CEP97: variants seen among roughly 807,000 people sequenced by gnomAD.
CEP97 encodes the protein centrosomal protein 97, also known as centrosomal protein of 97 kDa.
CEP97 carries 43 observed loss-of-function variants against 73.1 expected under a neutral mutation model. The ratio of observed to expected loss-of-function variants is 0.59; its 90% CI spans 0.46 to 0.76. The LOEUF (loss-of-function observed/expected upper bound fraction) is 0.76, where lower values mean the gene tolerates loss of function less well. CEP97 is among the 30% of genes least tolerant of loss of function. The pLI is 0.00. For missense variants in CEP97, 939 were observed against 1,014.0 expected (o/e 0.93, Z 1.00); for synonymous variants, 337 against 370.0 (o/e 0.91, Z 1.02).
chr3:101,751,716 C>T lies in CEP97; in HGVS notation c.729-3714C>T, dbSNP rs185111090. Among the ~76,000 whole-genome samples, 376 of 152,202 alleles carry T rather than the reference C, an allele frequency of 2.5e-3. 2 individuals are homozygous for T. Among genetic ancestry groups the T allele is most frequent in the African/African-American group, 8.8e-3 (364 of 41,524 alleles). ...CTTTGTTGGTTAAAGTCTGTTTTAT[C>T]GGAGACTAGGATTGCAACCCCTGCC... is the stretch of plus-strand genomic sequence containing the variant. On this transcript the variant is annotated intron_variant, in intron 6 of 10. Transcript: ENST00000341893.
intron 6 of CEP97, among the ~76,000 whole-genome samples, chr3:101,738,689 G>T (rs1560011517): frequency 6.6e-6 from 1 of 152,190 alleles, no homozygotes; most frequent in Non-Finnish European, 1.5e-5. Context: ...AAAGCAGTGT[G>T]TAGAGGGAAA....
At chr3:101,741,372 C>A (rs897226544) in intron 6 of CEP97, among the ~76,000 whole-genome samples, 3 of 152,190 alleles carry the variant, frequency 2.0e-5, no homozygotes, top group Admixed American at 6.5e-5. Context: ...GACTTCATGA[C>A]TAAAACATCA....
intron 6 of CEP97, among the ~76,000 whole-genome samples, chr3:101,750,562 A>C (rs958444836): frequency 5.9e-5 from 9 of 152,122 alleles, no homozygotes; most frequent in African/African-American, 1.9e-4. Flanking sequence ...TTGGTTGGTA[A>C]GGTATTGATT....
At chr3:101,726,428 C>T (rs915433825) in intron 1 of CEP97, among the ~76,000 whole-genome samples, 166 bp from the exon 2 acceptor site, 3 of 152,138 alleles carry the variant, frequency 2.0e-5, no homozygotes, top group African/African-American at 7.2e-5. Context: ...TCAATCTGGT[C>T]ATTTAGAACT....
At position 101,767,488 on chromosome 3, in the gene CEP97, CTTTATACA is replaced by C. The variant is rs1377304653; in HGVS notation, c.*1940_*1947del. ...CCACTGCACTAGTACCAAAATACTA[CTTTATACA>C]TTAGTTTTTCATAAAAGCTGCTGGA... On this transcript the variant is annotated 3_prime_UTR_variant, in exon 11 of 11. Coordinates refer to ENST00000341893, the MANE Select transcript of CEP97 (RefSeq NM_024548.4). 2 of 152,168 alleles carry C rather than the reference CTTTATACA, an allele frequency of 1.3e-5. No individual in the cohort carries two copies. Among genetic ancestry groups the C allele is most frequent in the Admixed American group, 6.5e-5 (1 of 15,274 alleles). The allele number at this position is 152,168 out of a possible 1,614,324, so 9.4% of individuals were successfully genotyped here. A position where few individuals can be genotyped will look rare whatever the true frequency, so the allele number is the denominator to read the frequency against.
At chr3:101,751,572 A>T (rs1938821989) in intron 6 of CEP97, among the ~76,000 whole-genome samples, 1 of 152,156 alleles carries the variant, frequency 6.6e-6, no homozygotes, top group African/African-American at 2.4e-5. Context: ...GTCACTAAAG[A>T]CTTGCTTTAT....
rs1939354911 is a variant in CEP97 at position 101,767,786 on chromosome 3, A to C, written c.*2235A>C. ...ACTTTTACTAGTGTTTAGAAGTGCA[A>C]GAATATTAAATAGCCCCTTCCTTAA... On this transcript the variant is annotated 3_prime_UTR_variant, in exon 11 of 11. Coordinates refer to ENST00000341893, the MANE Select transcript of CEP97 (RefSeq NM_024548.4). The C allele has an allele frequency of 6.6e-6, 1 of 152,202 alleles. No homozygotes were observed. The highest frequency in any genetic ancestry group is 1.5e-5 in the Non-Finnish European group (1 of 68,034). 9.4% of individuals were successfully genotyped at this position (152,202 alleles called of 1,614,324 possible).
In CEP97 at chr3:101,755,524, C is replaced by A; in HGVS notation, c.823C>A (p.Pro275Thr). ...QLVQYLATVC[P>T]LTSTLGLQTA... ...TGTCCAATATCTGGCTACAGTCTGC[C>A]CCCTCACTTCTACACTAGGTCTTCA... The change falls in exon 7 of 11, where the codon CCC becomes ACC. Residue 275 changes from proline (P) to threonine (T), a missense_variant. By Grantham distance (38) the Pro-to-Thr change is conservative. Coordinates refer to ENST00000341893, the MANE Select transcript of CEP97 (RefSeq NM_024548.4). 1 of 1,614,070 alleles carries A rather than the reference C, an allele frequency of 6.2e-7. No homozygotes were observed. The highest frequency in any genetic ancestry group is 8.5e-7 in the Non-Finnish European group (1 of 1,179,998).
chr3:101,726,659 G>A lies in CEP97; in HGVS notation c.109G>A (p.Asp37Asn), dbSNP rs1381287538. 1 of 1,603,698 alleles carries A rather than the reference G, an allele frequency of 6.2e-7. No homozygotes were observed. The highest frequency in any genetic ancestry group is 1.3e-5 in the African/African-American group (1 of 74,648). Residue 37 changes from aspartate to asparagine, a missense_variant, in exon 2 of 11, where the codon GAT (aspartate) becomes AAT (asparagine). Physicochemically the swap from Asp to Asn is conservative, Grantham distance 23. Coordinates refer to ENST00000341893, the MANE Select transcript of CEP97 (RefSeq NM_024548.4). Reference sequence around the variant, plus strand: ...AGGTCCAAATTTACCCTGTGAAGCTGATATTCACACTTTGATTCTGGATAA... The same window carrying A: ...AGGTCCAAATTTACCCTGTGAAGCTAATATTCACACTTTGATTCTGGATAA... Reference protein sequence around the residue: ...KLGPNLPCEADIHTLILDKNQ... With the variant: ...KLGPNLPCEANIHTLILDKNQ...
intron 6 of CEP97, among the ~76,000 whole-genome samples, chr3:101,752,159 T>C (rs1361045255): frequency 6.6e-6 from 1 of 152,214 alleles, no homozygotes; most frequent in Non-Finnish European, 1.5e-5. Context: ...TGAAGCTTAG[T>C]ATGCCTGGAT....
At chr3:101,732,905 G>C (rs1021353839) in intron 6 of CEP97, among the ~76,000 whole-genome samples, 1 of 151,610 alleles carries the variant, frequency 6.6e-6, no homozygotes, top group African/African-American at 2.4e-5. Flanking sequence ...CAGGAGGATT[G>C]CTTGAGCCCA....
At chr3:101,734,900 G>T (rs187325010) in intron 6 of CEP97, among the ~76,000 whole-genome samples, 1 of 152,178 alleles carries the variant, frequency 6.6e-6, no homozygotes, top group Non-Finnish European at 1.5e-5. Flanking sequence ...ACCTGCTTAC[G>T]ATAGACAGGG....
At chr3:101,755,403 C>T (rs1260773681) in intron 6 of CEP97, 27 bp from the exon 7 acceptor site, 1 of 1,608,692 alleles carries the variant, frequency 6.2e-7, no homozygotes, top group East Asian at 2.2e-5. Flanking sequence ...CATGCCATCT[C>T]CTCTTTTTTA....
At chr3:101,761,596 A>G (rs1038982833) in intron 9 of CEP97, among the ~76,000 whole-genome samples, 3 of 152,158 alleles carry the variant, frequency 2.0e-5, no homozygotes, top group Admixed American at 6.5e-5. Flanking sequence ...GTGAGAAGCA[A>G]TTTTTGAACC....
At chr3:101,727,609 G>A in intron 3 of CEP97, 68 bp downstream of exon 3, 2 of 1,447,490 alleles carry the variant, frequency 1.4e-6, no homozygotes, top group Admixed American at 4.5e-5. Flanking sequence ...GTAGAAATAA[G>A]TCAAATTAAA....
chr3:101,751,607 T>A (rs549029228), intron 6 of CEP97, among the ~76,000 whole-genome samples: 7 of 152,236 alleles, frequency 4.6e-5, no homozygotes, highest in Non-Finnish European at 1.0e-4. Flanking sequence ...CTGTATTTGG[T>A]GCATATATAT....
chr3:101,759,949 T>C (rs962032845), intron 9 of CEP97, among the ~76,000 whole-genome samples: 5 of 143,810 alleles, frequency 3.5e-5, no homozygotes, highest in Admixed American at 7.6e-5. Context: ...TTCTCTTTTG[T>C]AGATGAGAGA....
chr3:101,731,733 A>G, intron 4 of CEP97, 107 bp from the exon 5 acceptor site: 2 of 656,474 alleles, frequency 3.0e-6, no homozygotes, highest in Non-Finnish European at 5.4e-6. Flanking sequence ...GAGAAATATA[A>G]TAAAGTAGAT....
intron 6 of CEP97, among the ~76,000 whole-genome samples, chr3:101,748,702 G>A (rs971747694): frequency 1.1e-4 from 17 of 152,200 alleles, no homozygotes; most frequent in African/African-American, 3.4e-4. Flanking sequence ...GTGCAGTGGC[G>A]CAATCTCGGC....
Sources: allele counts gnomAD v4.1 joint callset (sites outside exome capture counted in the v4.1 genomes callset), GRCh38; gene constraint gnomAD v4.1.1; transcripts MANE v1.5; gene names NCBI Gene and HGNC (gene_info 2026-07-23, HGNC 2026-07-21).